Variants in TCF7 observed in about 807,000 individuals in gnomAD.
TCF7 encodes the protein transcription factor 7.
TCF7 carries 19 observed loss-of-function variants against 46.8 expected under a neutral mutation model. The observed-to-expected ratio is 0.41, with a 90% confidence interval of 0.28 to 0.60. The LOEUF (loss-of-function observed/expected upper bound fraction) is 0.60, where lower values mean the gene tolerates loss of function less well. Among genes scored for constraint, TCF7 ranks in the 20% least tolerant of loss-of-function variants. TCF7 has a pLI of 0.35. For synonymous variants in TCF7, 245 were observed against 213.4 expected, an observed-to-expected ratio of 1.15 and a Z score of -1.29; for missense variants, 547 against 504.6, an observed-to-expected ratio of 1.08 and a Z score of -0.81.
At position 134,138,767 on chromosome 5, in the gene TCF7, C is replaced by A. The variant is rs539304255; in HGVS notation, c.548-184C>A. The A allele has an allele frequency of 1.1e-5, 10 of 945,660 alleles. No homozygotes were observed. The African/African-American group carries it at 1.5e-4, about 14-fold the overall frequency. The allele number at this position is 945,660 out of a possible 1,614,324, so 58.6% of individuals were successfully genotyped here. ...CACCCCAGCCCTCTGCCCTGGGTTC[C>A]CTTGTCTGTCAAAGGGGCACTATTA... On this transcript the variant is annotated intron_variant, in intron 4 of 9. Transcript: ENST00000342854.
chr5:134,115,509 A>G, intron 2 of TCF7, 122 bp downstream of exon 2: 1 of 1,472,350 alleles, frequency 6.8e-7, no homozygotes, highest in Non-Finnish European at 9.0e-7. Context: ...GAGGCGGCAG[A>G]ACCCAGGGGT....
chr5:134,111,488 A>G (rs1755329008), upstream of TCF7, among the ~76,000 whole-genome samples: 1 of 152,040 alleles, frequency 6.6e-6, no homozygotes, highest in African/African-American at 2.4e-5. Flanking sequence ...TCATCTGTGT[A>G]TGTGATCTGA....
At chr5:134,145,002 G>C in intron 9 of TCF7, 2 of 771,310 alleles carry the variant, frequency 2.6e-6, no homozygotes, top group Non-Finnish European at 4.5e-6. Context: ...TGGGAGCCCA[G>C]GCCTCCTGAG....
At chr5:134,141,191 A>G (rs938492026) in intron 5 of TCF7, 2 of 163,974 alleles carry the variant, frequency 1.2e-5, no homozygotes, top group African/African-American at 2.4e-5. Flanking sequence ...CCCTACTTAG[A>G]AGGACTCTCC....
At position 134,147,266 on chromosome 5, in the gene TCF7, G is replaced by C. The variant is rs1760818715; in HGVS notation, c.*963G>C. ...TTCCCTGAGAAACCCACCAGCCTAA[G>C]AAGCTCTGGCCCCAGGCTTGTCACT... On this transcript the variant is annotated 3_prime_UTR_variant, in exon 10 of 10. Coordinates refer to ENST00000342854, the MANE Select transcript of TCF7 (RefSeq NM_003202.5). 6.6e-6 allele frequency: 1 copy of C among 152,208 alleles called. No homozygotes were observed. Among genetic ancestry groups the C allele is most frequent in the South Asian group, 2.1e-4 (1 of 4,830 alleles). 9.4% of individuals were successfully genotyped at this position (152,208 alleles called of 1,614,324 possible).
At chr5:134,110,053 T>G (rs1755310523), upstream of TCF7, among the ~76,000 whole-genome samples, 1 of 152,174 alleles carries the variant, frequency 6.6e-6, no homozygotes, top group Non-Finnish European at 1.5e-5. Flanking sequence ...TGTTTCCTTC[T>G]GGTGAGGGAA....
intron 3 of TCF7, among the ~76,000 whole-genome samples, chr5:134,133,126 C>A (rs963715821): frequency 2.6e-5 from 4 of 152,006 alleles, no homozygotes; most frequent in African/African-American, 7.3e-5. Flanking sequence ...TCAGGGTAGC[C>A]CTGGGGTGTC....
intron 9 of TCF7, chr5:134,145,354 T>G: frequency 5.5e-6 from 3 of 544,116 alleles, no homozygotes; most frequent in Non-Finnish European, 1.1e-5. Flanking sequence ...GCCTTATGAC[T>G]TGCTATCTTG....
Position 134,142,823 on chromosome 5 carries a change from G to A in TCF7, c.858G>A (p.Lys286=). ...FMLYMKEMRA[K]VIAECTLKES... Reference sequence around the variant, plus strand: ...TGTACATGAAGGAGATGAGAGCCAAGGTCATTGCAGAGTGCACACTTAAGG... The same window carrying A: ...TGTACATGAAGGAGATGAGAGCCAAAGTCATTGCAGAGTGCACACTTAAGG... The change falls in exon 7 of 10, where the codon AAG becomes AAA. Residue 286 remains lysine, a synonymous_variant. Coordinates refer to ENST00000342854, the MANE Select transcript of TCF7 (RefSeq NM_003202.5). 1 of 1,614,202 alleles carries A rather than the reference G, an allele frequency of 6.2e-7. No homozygotes were observed. The highest frequency in any genetic ancestry group is 8.5e-7 in the Non-Finnish European group (1 of 1,180,034).
intron 3 of TCF7, among the ~76,000 whole-genome samples, chr5:134,128,042 T>G (rs1156244010): frequency 6.6e-6 from 1 of 152,190 alleles, no homozygotes; most frequent in African/African-American, 2.4e-5. Context: ...TTGCGCCTAG[T>G]GGGTACTGGA....
intron 5 of TCF7, chr5:134,140,649 C>G (rs1464707464): frequency 2.7e-6 from 1 of 370,778 alleles, no homozygotes; most frequent in Non-Finnish European, 5.3e-6. Context: ...ACCGCACAAG[C>G]TGCCCTCTGG....
At chr5:134,123,632 G>A in intron 3 of TCF7, 1 of 453,914 alleles carries the variant, frequency 2.2e-6, no homozygotes. Flanking sequence ...AGAGGCCCAG[G>A]GTCTACGAAG....
chr5:134,109,421 C>T, the TCF7 span, among the ~76,000 whole-genome samples: 1 of 152,142 alleles, frequency 6.6e-6, no homozygotes, highest in African/African-American at 2.4e-5. Flanking sequence ...TGTGACGCCG[C>T]TTGTCTCTCA....
intron 3 of TCF7, among the ~76,000 whole-genome samples, chr5:134,126,477 C>G (rs1757359624): frequency 6.6e-6 from 1 of 152,230 alleles, no homozygotes; most frequent in South Asian, 2.1e-4. Context: ...CAGTGCCCAC[C>G]CTAGGGCCTG....
intron 9 of TCF7, 55 bp downstream of exon 9, chr5:134,143,695 A>G: frequency 6.2e-7 from 1 of 1,606,820 alleles, no homozygotes; most frequent in Non-Finnish European, 8.5e-7. Flanking sequence ...CCATTTCAAG[A>G]GCAGCCCTCC....
intron 9 of TCF7, chr5:134,144,768 C>T: frequency 2.5e-6 from 4 of 1,602,402 alleles, no homozygotes; most frequent in East Asian, 2.2e-5. Context: ...CTCTGCCCTG[C>T]TCTACCCCTC....
chr5:134,140,743 C>T (rs1759619907), intron 5 of TCF7: 1 of 453,628 alleles, frequency 2.2e-6, no homozygotes, highest in Admixed American at 2.4e-5. Flanking sequence ...GGAAGTCTTT[C>T]CTCGTGTCTG....
chr5:134,120,828 C>T (rs1303538278), intron 3 of TCF7, among the ~76,000 whole-genome samples: 1 of 152,256 alleles, frequency 6.6e-6, no homozygotes, highest in African/African-American at 2.4e-5. Flanking sequence ...CTGTTCGTTT[C>T]CTCCTCTGCA....
intron 9 of TCF7, 130 bp from the exon 10 acceptor site, chr5:134,146,094 T>G: frequency 1.9e-6 from 3 of 1,599,630 alleles, no homozygotes; most frequent in Non-Finnish European, 2.6e-6. Flanking sequence ...GGACACTGAC[T>G]TACCACCCAA....
Sources: gnomAD v4.1 joint callset for allele counts (sites outside exome capture counted in the v4.1 genomes callset) on GRCh38, gnomAD v4.1.1 for gene constraint, MANE v1.5 for transcripts, NCBI Gene and HGNC (gene_info 2026-07-23, HGNC 2026-07-21) for gene names.